GRM6: variants seen among roughly 807,000 people sequenced by gnomAD.
The protein encoded by GRM6 is glutamate metabotropic receptor 6, also known as metabotropic glutamate receptor 6.
In GRM6, 73 loss-of-function variants were observed where a neutral mutation model predicts 78.4. The ratio of observed to expected loss-of-function variants is 0.93; its 90% CI spans 0.77 to 1.13. GRM6 has a LOEUF of 1.13. Among genes scored for constraint, GRM6 ranks in the 50% most tolerant of loss-of-function variants. The pLI is 0.00. For synonymous variants in GRM6, 580 were observed against 555.0 expected, an observed-to-expected ratio of 1.05 and a Z score of -0.63; for missense variants, 1,251 against 1,256.4, an observed-to-expected ratio of 1.00 and a Z score of 0.07.
At chr5:178,986,788 C>T in intron 8 of GRM6, 35 bp from the exon 9 acceptor site, 4 of 1,611,792 alleles carry the variant, frequency 2.5e-6, no homozygotes, top group Non-Finnish European at 3.4e-6. Context: ...GGGCGTCTGC[C>T]TCCGGGATCC....
Position 178,990,722 on chromosome 5 carries a change from C to T in GRM6, c.882G>A (p.Gln294=). 6.3e-7 allele frequency: 1 copy of T among 1,577,314 alleles called. No homozygotes were observed. Among genetic ancestry groups the T allele is most frequent in the Non-Finnish European group, 8.6e-7 (1 of 1,162,614 alleles). ...DIRRVLEAAR[Q]ANLTGHFLWV... The stretch of plus-strand genomic sequence containing the variant: ...ACAGGAAGTGGCCGGTCAGGTTGGC[C>T]TGGCGAGCTGCCTCCAGGACCCGCC... Residue 294 remains glutamine, a synonymous_variant, in exon 5 of 11, where the codon CAG becomes CAA. Transcript: ENST00000517717.
rs1048949388 is a variant in GRM6, at chr5:178,992,034, G to A, written c.554C>T (p.Thr185Ile). 1.9e-6 allele frequency: 3 copies of A among 1,614,092 alleles called. No individual in the cohort carries two copies. Among genetic ancestry groups the A allele is most frequent in the South Asian group, 1.1e-5 (1 of 91,084 alleles). The change falls in exon 3 of 11, where the codon ACA becomes ATA. Residue 185 changes from threonine to isoleucine, a missense_variant. Coordinates refer to ENST00000517717, the MANE Select transcript of GRM6 (RefSeq NM_000843.4). The surrounding 1 kb of genome is among the most constrained non-coding windows in gnomAD (Gnocchi z 4.9). The part of the protein sequence containing the change: ...ASTAPELSDS[T>I]RYDFFSRVVP... ...CACCCGGGAGAAGAAGTCATAGCGT[G>A]TGGAGTCGCTGAGCTCCGGGGCTGT...
At chr5:178,989,530 AC>A in intron 5 of GRM6, 125 bp from the exon 6 acceptor site, 1 of 1,198,612 alleles carries the variant, frequency 8.3e-7, no homozygotes, top group South Asian at 1.3e-5. Context: ...GGCCAGGTGA[AC>A]TAGGCATGGC....
chr5:178,984,845 C>G (rs960520262), intron 9 of GRM6, among the ~76,000 whole-genome samples: 13 of 152,102 alleles, frequency 8.5e-5, no homozygotes, highest in Admixed American at 5.9e-4. Flanking sequence ...AACGGGTGAG[C>G]AGGTGTTCGC....
intron 7 of GRM6, among the ~76,000 whole-genome samples, chr5:178,987,910 TC>T (rs762128844): frequency 0.95 from 135,390 of 143,224 alleles, 64,546 homozygotes; most frequent in South Asian, 1. Context: ...TAGGCACCCG[TC>T]GCCATGCCCA....
chr5:178,992,122 T>A lies in GRM6; in HGVS notation c.505-39A>T. ...AGGACAGCTGGGCTGTGGATGGAGG[T>A]CAGTAACTCAAGAGAGGGAGGGTAA... On this transcript the variant is annotated intron_variant, in intron 2 of 10. Transcript: ENST00000517717. The surrounding 1 kb of genome is among the most constrained non-coding windows in gnomAD (Gnocchi z 4.9). The A allele has an allele frequency of 6.9e-7, 1 of 1,440,886 alleles. No individual in the cohort carries two copies. Among genetic ancestry groups the A allele is most frequent in the Non-Finnish European group, 9.7e-7 (1 of 1,027,722 alleles). 89.3% of individuals were successfully genotyped at this position (1,440,886 alleles called of 1,614,324 possible).
rs17078865 is a variant in GRM6, at chr5:178,982,826, C to T, written c.2436+84G>A. Reference sequence around the variant, plus strand: ...GCCAGATACGGGATAAACAAAAGCACGAACAAGCATTTAATCTCATGAATG... The same window carrying T: ...GCCAGATACGGGATAAACAAAAGCATGAACAAGCATTTAATCTCATGAATG... On this transcript the variant is annotated intron_variant, in intron 10 of 10. Coordinates refer to ENST00000517717, the MANE Select transcript of GRM6 (RefSeq NM_000843.4). 0.071 allele frequency: 68,371 copies of T among 969,638 alleles called. 3,120 individuals carry two copies. The highest frequency in any genetic ancestry group is 0.19 in the African/African-American group (11,995 of 62,738). The allele number at this position is 969,638 out of a possible 1,614,324, so 60.1% of individuals were successfully genotyped here.
At chr5:178,987,318 T>C in intron 7 of GRM6, 1 of 504,400 alleles carries the variant, frequency 2.0e-6, no homozygotes, top group South Asian at 1.5e-5. Flanking sequence ...GGGTAGATAC[T>C]CGAGAGACTA....
chr5:178,994,351 CAGA>C (rs1323569683), intron 2 of GRM6, 87 bp downstream of exon 2: 4 of 1,160,472 alleles, frequency 3.4e-6, no homozygotes, highest in East Asian at 3.2e-5. Flanking sequence ...GAGACTCTTT[CAGA>C]AGAAGTAAAG....
Position 178,993,602 on chromosome 5 carries a change from C to G in GRM6, c.504+839G>C, listed in dbSNP as rs145024384. Among the ~76,000 whole-genome samples, 708 of 152,302 alleles carry G rather than the reference C, an allele frequency of 4.6e-3. 8 individuals are homozygous for G. Among genetic ancestry groups the G allele is most frequent in the African/African-American group, 0.016 (659 of 41,568 alleles). Reference sequence around the variant, plus strand: ...AGGTAGATGGAAGCCAGGCCTTCCTCCTTCACAGAGAGCCGGATGCACACA... The same window carrying G: ...AGGTAGATGGAAGCCAGGCCTTCCTGCTTCACAGAGAGCCGGATGCACACA... On this transcript the variant is annotated intron_variant, in intron 2 of 10. Coordinates refer to ENST00000517717, the MANE Select transcript of GRM6 (RefSeq NM_000843.4).
rs769152030 is a variant in GRM6 at position 178,988,923 on chromosome 5, G to A, written c.1354+12C>T. 1.2e-6 allele frequency: 2 copies of A among 1,605,938 alleles called. No individual in the cohort carries two copies. Among genetic ancestry groups the A allele is most frequent in the East Asian group, 4.5e-5 (2 of 44,846 alleles). On this transcript the variant is annotated intron_variant, in intron 7 of 10. Transcript: ENST00000517717. This position sits in a 1 kb window ranked among gnomAD's most constrained non-coding sequence, Gnocchi z 6.0. Reference sequence around the variant, plus strand: ...GTCCTTCACTGCTGCAGGGGGGCAGGCACCCACTCACCATTGAAGCGGACA... The same window carrying A: ...GTCCTTCACTGCTGCAGGGGGGCAGACACCCACTCACCATTGAAGCGGACA...
chr5:178,985,149 A>G, intron 9 of GRM6: 1 of 393,830 alleles, frequency 2.5e-6, no homozygotes, highest in Admixed American at 2.9e-5. Flanking sequence ...TGCCCCAGGG[A>G]GCAGGGCAGC....
intron 9 of GRM6, among the ~76,000 whole-genome samples, chr5:178,984,409 A>G (rs1411623324): frequency 2.6e-5 from 4 of 152,196 alleles, no homozygotes; most frequent in Non-Finnish European, 5.9e-5. Flanking sequence ...GTGCAGGCGA[A>G]TTGAAGCCAC....
Position 178,994,871 on chromosome 5 carries a change from C to A in GRM6, c.74G>T (p.Gly25Val), listed in dbSNP as rs1375899861. Residue 25 changes from glycine (G) to valine (V), a missense_variant, in exon 2 of 11, where the codon GGC becomes GTC. Physicochemically the swap from Gly to Val is moderately radical, Grantham distance 109. Coordinates refer to ENST00000517717, the MANE Select transcript of GRM6 (RefSeq NM_000843.4). ...LLPLAWLAQA[G>V]LARAAGSVRL... ...CACAGAGCCCGCCGCGCGCGCCAGG[C>A]CCGCCTGCGCCAGCCACGCCAGCGG... The A allele has an allele frequency of 1.7e-6, 2 of 1,204,016 alleles. No homozygotes were observed. Among genetic ancestry groups the A allele is most frequent in the Non-Finnish European group, 1.0e-6 (1 of 968,018 alleles). 74.6% of individuals were successfully genotyped at this position (1,204,016 alleles called of 1,614,324 possible).
chr5:178,989,194 C>T, intron 6 of GRM6, 59 bp from the exon 7 acceptor site: 1 of 1,556,734 alleles, frequency 6.4e-7, no homozygotes, highest in South Asian at 1.2e-5. Context: ...ACCCGGCCTC[C>T]CGCCTTCCCC....
chr5:178,985,607 G>A (rs1300556436), intron 9 of GRM6: 11 of 354,502 alleles, frequency 3.1e-5, no homozygotes, highest in Non-Finnish European at 5.5e-5. Context: ...GGAGGCTGAG[G>A]CAGGAGAATG....
At position 178,986,142 on chromosome 5, in the gene GRM6, G is replaced by A; in HGVS notation, c.2112C>T (p.Leu704=). The A allele has an allele frequency of 6.2e-7, 1 of 1,613,706 alleles. No homozygotes were observed. Among genetic ancestry groups the A allele is most frequent in the Non-Finnish European group, 8.5e-7 (1 of 1,179,810 alleles). Residue 704 remains leucine, a synonymous_variant, in exon 9 of 11, where the codon CTC becomes CTT. Transcript: ENST00000517717. ...PTSQLVITFS[L]TSLQVVGMIA... ...CCTACGGACCCACCTGCAGGGAGGT[G>A]AGGCTGAAGGTGATGACCAGCTGTG... is the stretch of plus-strand genomic sequence containing the variant.
rs1321048839 is a variant in GRM6 at position 178,981,874 on chromosome 5, A to T, written c.2437-20T>A. On this transcript the variant is annotated intron_variant, in intron 10 of 10. Transcript: ENST00000517717. This position sits in a 1 kb window ranked among gnomAD's most constrained non-coding sequence, Gnocchi z 5.1. Reference sequence around the variant, plus strand: ...GTAGATCTAGGCCATGGAAGAGGGGACCAGATGGGACTCAGCCCTGCTCTC... The same window carrying T: ...GTAGATCTAGGCCATGGAAGAGGGGTCCAGATGGGACTCAGCCCTGCTCTC... 6.8e-7 allele frequency: 1 copy of T among 1,469,586 alleles called. No individual in the cohort carries two copies. Among genetic ancestry groups the T allele is most frequent in the Non-Finnish European group, 9.5e-7 (1 of 1,048,906 alleles). The allele number at this position is 1,469,586 out of a possible 1,614,324, so 91.0% of individuals were successfully genotyped here. A position where few individuals can be genotyped will look rare whatever the true frequency, so the allele number is the denominator to read the frequency against.
At position 178,992,416 on chromosome 5, in the gene GRM6, GC is replaced by G; in HGVS notation, c.505-334del. ...AAGGACCCCCAGCAGAGGGCCTGCA[GC>G]CCATCCAGCTGCATCTGCCTGTCCT... On this transcript the variant is annotated intron_variant, in intron 2 of 10. Transcript: ENST00000517717. This position sits in a 1 kb window ranked among gnomAD's most constrained non-coding sequence, Gnocchi z 4.9. 2.2e-6 allele frequency: 1 copy of G among 445,606 alleles called. No homozygotes were observed. The highest frequency in any genetic ancestry group is 4.4e-6 in the Non-Finnish European group (1 of 225,830). 27.6% of individuals were successfully genotyped at this position (445,606 alleles called of 1,614,324 possible). A position where few individuals can be genotyped will look rare whatever the true frequency, so the allele number is the denominator to read the frequency against.
Sources: gnomAD v4.1 joint callset for allele counts (sites outside exome capture counted in the v4.1 genomes callset) on GRCh38, gnomAD v4.1.1 for gene constraint, Gnocchi (gnomAD v3.1) non-coding constraint, MANE v1.5 for transcripts, NCBI Gene and HGNC (gene_info 2026-07-23, HGNC 2026-07-21) for gene names.